The following CADPS variants were observed in gnomAD, a reference collection of about 807,000 sequenced individuals.
The protein encoded by CADPS is calcium-dependent secretion activator 1.
CADPS carries 57 observed loss-of-function variants against 167.3 expected under a neutral mutation model. That is an observed-to-expected ratio of 0.34 (90% CI 0.28 to 0.42). The LOEUF is 0.42. CADPS is among the 20% of genes least tolerant of loss of function. CADPS has a pLI of 1.00. For synonymous variants in CADPS, 676 were observed against 635.3 expected (o/e 1.06, Z -0.96); for missense variants, 1,414 against 1,738.1 (o/e 0.81, Z 3.32).
intron 28 of CADPS, 77 bp from the exon 29 acceptor site, chr3:62,403,262 T>C: frequency 1.1e-6 from 1 of 919,420 alleles, no homozygotes; most frequent in Non-Finnish European, 1.8e-6. Context: ...AGGCAATGTT[T>C]GAGTACCCCA....
At chr3:62,694,131 G>T (rs1305974664) in intron 3 of CADPS, among the ~76,000 whole-genome samples, 1 of 152,046 alleles carries the variant, frequency 6.6e-6, no homozygotes, top group East Asian at 1.9e-4. Flanking sequence ...TCTCACGAAG[G>T]CTGGCCTAGC....
chr3:62,529,531 A>G (rs1013451511), intron 13 of CADPS, among the ~76,000 whole-genome samples: 1 of 152,210 alleles, frequency 6.6e-6, no homozygotes, highest in African/African-American at 2.4e-5. Flanking sequence ...TCCTAATTGC[A>G]AGTTACTGTT....
chr3:62,489,960 A>G (rs556239982), intron 21 of CADPS, among the ~76,000 whole-genome samples: 26 of 152,306 alleles, frequency 1.7e-4, no homozygotes, highest in Admixed American at 1.6e-3. Flanking sequence ...ACAAACTAAA[A>G]TTTAAATTTC....
chr3:62,481,524 T>C (rs1428235521), intron 22 of CADPS, among the ~76,000 whole-genome samples, 199 bp downstream of exon 22: 2 of 152,232 alleles, frequency 1.3e-5, no homozygotes, highest in Admixed American at 6.5e-5. Flanking sequence ...AGACAAATTG[T>C]TAGTGCTGTA....
intron 1 of CADPS, among the ~76,000 whole-genome samples, chr3:62,820,808 T>G (rs80289245): frequency 6.6e-6 from 1 of 150,828 alleles, no homozygotes; most frequent in Admixed American, 6.6e-5. Flanking sequence ...TTTTTTTTTT[T>G]TCTGTCTTTT....
chr3:62,861,137 T>C (rs2080726566), intron 1 of CADPS, among the ~76,000 whole-genome samples: 1 of 152,194 alleles, frequency 6.6e-6, no homozygotes, highest in South Asian at 2.1e-4. Context: ...ATCTGCATCC[T>C]TTAGGTCAGC....
At chr3:62,616,339 G>A (rs540235500) in intron 6 of CADPS, among the ~76,000 whole-genome samples, 18 of 151,864 alleles carry the variant, frequency 1.2e-4, no homozygotes, top group Non-Finnish European at 2.5e-4. Flanking sequence ...CACGTATATT[G>A]GTTATGTTTA....
chr3:62,641,985 A>C (rs1281354429), intron 6 of CADPS, among the ~76,000 whole-genome samples: 1 of 152,188 alleles, frequency 6.6e-6, no homozygotes, highest in Non-Finnish European at 1.5e-5. Flanking sequence ...CCATAAGTGA[A>C]GAGATGGCAC....
chr3:62,806,049 T>C (rs1286798613), intron 1 of CADPS, among the ~76,000 whole-genome samples: 5 of 152,008 alleles, frequency 3.3e-5, no homozygotes, highest in Non-Finnish European at 4.4e-5. Context: ...CTTTAAATAA[T>C]CCCTTCATAA....
Position 62,399,254 on chromosome 3 carries a change from T to A in CADPS, c.*152A>T, listed in dbSNP as rs1705027270. The stretch of plus-strand genomic sequence containing the variant: ...AGTGGATATGAAGGTCATTTGCTAA[T>A]CTTGGTACCACATAGCTAAAATGGC... On this transcript the variant is annotated 3_prime_UTR_variant, in exon 30 of 30. Transcript: ENST00000383710. This position sits in a 1 kb window ranked among gnomAD's most constrained non-coding sequence, Gnocchi z 5.6. 2 of 652,238 alleles carry A rather than the reference T, an allele frequency of 3.1e-6. No homozygotes were observed. Among genetic ancestry groups the A allele is most frequent in the Non-Finnish European group, 5.3e-6 (2 of 379,936 alleles). The allele number at this position is 652,238 out of a possible 1,614,324, so 40.4% of individuals were successfully genotyped here.
At chr3:62,735,581 C>T (rs2078836286) in intron 3 of CADPS, among the ~76,000 whole-genome samples, 1 of 152,164 alleles carries the variant, frequency 6.6e-6, no homozygotes, top group Non-Finnish European at 1.5e-5. Context: ...CTTTTCAATG[C>T]TTGAATCCCT....
At chr3:62,772,665 C>T (rs962177668) in intron 1 of CADPS, among the ~76,000 whole-genome samples, 1 of 152,122 alleles carries the variant, frequency 6.6e-6, no homozygotes, top group Non-Finnish European at 1.5e-5. Flanking sequence ...TTTTCTCTTA[C>T]TGGCAGCCAG....
At chr3:62,522,800 ACT>A (rs2071023882) in intron 13 of CADPS, among the ~76,000 whole-genome samples, 1 of 152,080 alleles carries the variant, frequency 6.6e-6, no homozygotes, top group South Asian at 2.1e-4. Context: ...CTGGCTAACA[ACT>A]CGCTTCTTTT....
At chr3:62,580,782 A>T (rs1277464570) in intron 8 of CADPS, among the ~76,000 whole-genome samples, 1 of 152,180 alleles carries the variant, frequency 6.6e-6, no homozygotes, top group Non-Finnish European at 1.5e-5. Context: ...TCTATAAAAG[A>T]TTAGAAATAG....
intron 3 of CADPS, among the ~76,000 whole-genome samples, chr3:62,703,483 C>T (rs1021907899): frequency 2.0e-5 from 3 of 152,166 alleles, no homozygotes; most frequent in Non-Finnish European, 4.4e-5. Flanking sequence ...CTGGGAACGT[C>T]TGTCTACAGT....
intron 17 of CADPS, among the ~76,000 whole-genome samples, chr3:62,500,907 C>T (rs562328933): frequency 9.2e-5 from 14 of 152,174 alleles, no homozygotes; most frequent in African/African-American, 1.7e-4. Flanking sequence ...ATAAATTCAG[C>T]GAGACACTAT....
chr3:62,438,440 G>T lies in CADPS; in HGVS notation c.3670-229C>A. On this transcript the variant is annotated intron_variant, in intron 27 of 29. Transcript: ENST00000383710. The surrounding 1 kb of genome is among the most constrained non-coding windows in gnomAD (Gnocchi z 4.7). ...GGCTAAGAAGGGCATTGAGATTGTA[G>T]GATTTTATAAATAGTTTTTCTATGA... 4.5e-6 allele frequency: 2 copies of T among 448,926 alleles called. No homozygotes were observed. The highest frequency in any genetic ancestry group is 6.5e-5 in the South Asian group (2 of 30,836). 27.8% of individuals were successfully genotyped at this position (448,926 alleles called of 1,614,324 possible). A position where few individuals can be genotyped will look rare whatever the true frequency, so the allele number is the denominator to read the frequency against.
chr3:62,651,589 CT>C (rs1178680315), intron 4 of CADPS, among the ~76,000 whole-genome samples: 1 of 152,120 alleles, frequency 6.6e-6, no homozygotes, highest in African/African-American at 2.4e-5. Flanking sequence ...ATAATAGTTA[CT>C]GTTTTCAAGA....
At chr3:62,586,348 G>A (rs2084632711) in intron 7 of CADPS, among the ~76,000 whole-genome samples, 1 of 152,146 alleles carries the variant, frequency 6.6e-6, no homozygotes, top group South Asian at 2.1e-4. Flanking sequence ...AGGTGGCCGT[G>A]AGGGGCTCAT....
Sources: allele counts gnomAD v4.1 joint callset (sites outside exome capture counted in the v4.1 genomes callset), GRCh38; gene constraint gnomAD v4.1.1; non-coding constraint Gnocchi (gnomAD v3.1); transcripts MANE v1.5; gene names NCBI Gene and HGNC (gene_info 2026-07-23, HGNC 2026-07-21).